Variants in RPS6KA5 observed in about 807,000 individuals in gnomAD.
The protein encoded by RPS6KA5 is ribosomal protein S6 kinase A5.
Under a neutral mutation model 85.5 loss-of-function variants are expected in RPS6KA5, and 27 were observed. The observed-to-expected ratio is 0.32, with a 90% CI of 0.23 to 0.44. The LOEUF (loss-of-function observed/expected upper bound fraction) is 0.44, where lower values mean the gene tolerates loss of function less well. Among genes scored for constraint, RPS6KA5 ranks in the 20% least tolerant of loss-of-function variants. RPS6KA5 has a pLI of 1.00. For missense variants in RPS6KA5, 811 were observed against 980.9 expected (o/e 0.83, Z 2.31); for synonymous variants, 334 against 348.2 (o/e 0.96, Z 0.46).
Position 90,852,678 on chromosome 14 carries a change from T to C in RPS6KA5, c.*19396A>G, listed in dbSNP as rs2032060756. On this transcript the variant is annotated 3_prime_UTR_variant, in exon 17 of 17. Transcript: ENST00000614987. ...TTTTATTTTATCCACATTAAAAGTA[T>C]TTGTCTTTAAACAAAAATAAATTCC... The C allele has an allele frequency of 6.6e-6, 1 of 152,184 alleles. No homozygotes were observed. The allele number at this position is 152,184 out of a possible 1,614,324, so 9.4% of individuals were successfully genotyped here.
chr14:90,977,315 C>T (rs1229060461), intron 3 of RPS6KA5, among the ~76,000 whole-genome samples: 1 of 152,210 alleles, frequency 6.6e-6, no homozygotes, highest in Non-Finnish European at 1.5e-5. Flanking sequence ...ATAAAATCTT[C>T]AACGATGGTA....
chr14:90,849,901 T>C lies in RPS6KA5; in HGVS notation c.*22173A>G, dbSNP rs2031903845. ...TTCTTACCTGGCAGCTGGCACCACATTAGAATCTCCATGGCCGTGCATGGT... is the reference window on the plus strand; with the variant it reads ...TTCTTACCTGGCAGCTGGCACCACACTAGAATCTCCATGGCCGTGCATGGT... On this transcript the variant is annotated 3_prime_UTR_variant, in exon 17 of 17. Transcript: ENST00000614987. 1 of 152,230 alleles carries C rather than the reference T, an allele frequency of 6.6e-6. No homozygotes were observed. Among genetic ancestry groups the C allele is most frequent in the Non-Finnish European group, 1.5e-5 (1 of 68,070 alleles). The allele number at this position is 152,230 out of a possible 1,614,324, so 9.4% of individuals were successfully genotyped here. A position where few individuals can be genotyped will look rare whatever the true frequency, so the allele number is the denominator to read the frequency against.
chr14:90,951,223 C>T (rs2140383100), intron 3 of RPS6KA5, among the ~76,000 whole-genome samples: 1 of 152,022 alleles, frequency 6.6e-6, no homozygotes. Flanking sequence ...GTGGCTCACA[C>T]CTGTAATCCC....
At chr14:90,880,612 T>C (rs2033773327) in intron 14 of RPS6KA5, among the ~76,000 whole-genome samples, 1 of 152,214 alleles carries the variant, frequency 6.6e-6, no homozygotes, top group African/African-American at 2.4e-5. Context: ...TCTTATCTTC[T>C]GGCCGGTTGT....
intron 2 of RPS6KA5, among the ~76,000 whole-genome samples, chr14:90,982,443 CAG>C (rs2039835941): frequency 6.6e-6 from 1 of 152,078 alleles, no homozygotes; most frequent in South Asian, 2.1e-4. Flanking sequence ...GCCTGTGTGA[CAG>C]AGCATGATCC....
At chr14:90,921,979 A>G (rs924076253) in intron 6 of RPS6KA5, among the ~76,000 whole-genome samples, 45 of 152,216 alleles carry the variant, frequency 3.0e-4, no homozygotes, top group Admixed American at 7.2e-4. Context: ...TTACTTAGAA[A>G]GTTTCTTCTA....
intron 1 of RPS6KA5, among the ~76,000 whole-genome samples, chr14:91,034,266 T>C (rs1022005815): frequency 1.3e-5 from 2 of 150,142 alleles, no homozygotes; most frequent in Non-Finnish European, 3.0e-5. Context: ...GATCACACCA[T>C]TGCACTCCAG....
intron 14 of RPS6KA5, among the ~76,000 whole-genome samples, chr14:90,880,831 C>CTTTTTTTTTTTT (rs560458875): frequency 7.5e-6 from 1 of 132,464 alleles, no homozygotes; most frequent in Non-Finnish European, 1.6e-5. Flanking sequence ...CTTTTGTAAA[C>CTTTTTTTTTTTT]TTTTTTTTTT....
rs1048846420 is a variant in RPS6KA5 at position 90,854,006 on chromosome 14, G to A, written c.*18068C>T. ...AGTGAGGGGCAGTCTTATTAATTTG[G>A]TATTGTAAGCCCCCAATACATGTGT... On this transcript the variant is annotated 3_prime_UTR_variant, in exon 17 of 17. Transcript: ENST00000614987. The A allele has an allele frequency of 1.3e-5, 2 of 152,222 alleles. No individual in the cohort carries two copies. Among genetic ancestry groups the A allele is most frequent in the African/African-American group, 2.4e-5 (1 of 41,532 alleles). 9.4% of individuals were successfully genotyped at this position (152,222 alleles called of 1,614,324 possible). A position where few individuals can be genotyped will look rare whatever the true frequency, so the allele number is the denominator to read the frequency against.
intron 14 of RPS6KA5, among the ~76,000 whole-genome samples, chr14:90,889,294 C>CA (rs11450327): frequency 0.17 from 11,676 of 70,260 alleles, 572 homozygotes; most frequent in Middle Eastern, 0.2. Context: ...ACTTTGTCTC[C>CA]AAAAAAAAAA....
At chr14:90,873,071 G>A (rs923954601) in intron 16 of RPS6KA5, among the ~76,000 whole-genome samples, 2 of 144,412 alleles carry the variant, frequency 1.4e-5, no homozygotes. Flanking sequence ...TAATCCCTTT[G>A]AAGGTGACTT....
At chr14:90,916,104 A>G (rs1341672383) in intron 7 of RPS6KA5, among the ~76,000 whole-genome samples, 2 of 152,190 alleles carry the variant, frequency 1.3e-5, no homozygotes, top group Non-Finnish European at 2.9e-5. Flanking sequence ...GTTCTTGAGC[A>G]GGCAGGACCA....
At chr14:90,883,804 A>G (rs2034009434) in intron 14 of RPS6KA5, among the ~76,000 whole-genome samples, 1 of 151,646 alleles carries the variant, frequency 6.6e-6, no homozygotes, top group Admixed American at 6.6e-5. Context: ...GTTTTTGTTT[A>G]TTGCTTTTCG....
chr14:91,015,861 A>G (rs1296093), intron 1 of RPS6KA5, among the ~76,000 whole-genome samples: 104,127 of 152,086 alleles, frequency 0.68, 35,881 homozygotes, highest in East Asian at 0.87. Flanking sequence ...ATAATCTAAT[A>G]CTATGAAAAC....
chr14:91,059,239 C>CTGAGGCAGGAGAATCGCT (rs2043500342), intron 1 of RPS6KA5, among the ~76,000 whole-genome samples: 1 of 143,720 alleles, frequency 7.0e-6, no homozygotes, highest in Admixed American at 7.4e-5. Flanking sequence ...ACTCCGGAGG[C>CTGAGGCAGGAGAATCGCT]TGAGGCAGGA....
rs186158496 is a variant in RPS6KA5, at chr14:91,011,046, A to G, written c.104-9887T>C. 3.9e-5 allele frequency among the ~76,000 whole-genome samples: 6 copies of G among 152,306 alleles called. No homozygotes were observed. The East Asian group carries it at 1.2e-3, about 29-fold the overall frequency. On this transcript the variant is annotated intron_variant, in intron 1 of 16. Transcript: ENST00000614987. ...CAGCAGTCAGCTTGGCCAAAAACAC[A>G]CCTCAGAAGATGAAATGAGATCTAT...
chr14:90,914,416 A>G (rs1246047697), intron 7 of RPS6KA5, among the ~76,000 whole-genome samples: 1 of 143,578 alleles, frequency 7.0e-6, no homozygotes, highest in Non-Finnish European at 1.5e-5. Flanking sequence ...CAGGGTTCCA[A>G]CGATTCTCCT....
At chr14:91,020,970 C>T (rs2041749256) in intron 1 of RPS6KA5, among the ~76,000 whole-genome samples, 1 of 151,980 alleles carries the variant, frequency 6.6e-6, no homozygotes, top group South Asian at 2.1e-4. Context: ...TATCCAAACC[C>T]GAAGCATACA....
intron 1 of RPS6KA5, among the ~76,000 whole-genome samples, chr14:91,057,483 AATCTGT>A (rs149985184): frequency 0.18 from 27,582 of 151,924 alleles, 3,064 homozygotes; most frequent in Admixed American, 0.25. Context: ...CTTACAGTCT[AATCTGT>A]ATTAGACTGT....
Sources: allele counts gnomAD v4.1 joint callset (sites outside exome capture counted in the v4.1 genomes callset), GRCh38; gene constraint gnomAD v4.1.1; transcripts MANE v1.5; gene names NCBI Gene and HGNC (gene_info 2026-07-23, HGNC 2026-07-21).